MAN1A1: variants seen among roughly 807,000 people sequenced by gnomAD.
The protein encoded by MAN1A1 is mannosidase alpha class 1A member 1.
MAN1A1 carries 29 observed loss-of-function variants against 70.8 expected under a neutral mutation model. The ratio of observed to expected loss-of-function variants is 0.41; its 90% CI spans 0.31 to 0.56. The LOEUF is 0.56. Ranked by LOEUF, MAN1A1 falls within the 20% of genes least tolerant of loss-of-function variation. The probability of loss-of-function intolerance (pLI) is 0.29; values close to 1 mark genes in which losing one functional copy is unlikely to be tolerated. For synonymous variants in MAN1A1, 349 were observed against 330.1 expected (o/e 1.06, Z -0.62); for missense variants, 747 against 841.3 (o/e 0.89, Z 1.39).
rs200298446 is a variant in MAN1A1 at position 119,316,936 on chromosome 6, TTTATTA to T, written c.604-9950_604-9945del. Among the ~76,000 whole-genome samples, 849 of 150,756 alleles carry T rather than the reference TTTATTA, an allele frequency of 5.6e-3. 30 individuals carry two copies. In the East Asian group the frequency reaches 0.09, roughly 16 times the overall value. ...TAGTTACCTTTTTAAATTACATTTT[TTTATTA>T]TTATTATTCTTTTTTTTTTTTTTTG... On this transcript the variant is annotated intron_variant, in intron 2 of 12. Transcript: ENST00000368468.
intron 2 of MAN1A1, among the ~76,000 whole-genome samples, chr6:119,346,766 C>T (rs1773740420): frequency 6.6e-6 from 1 of 152,176 alleles, no homozygotes; most frequent in South Asian, 2.1e-4. Context: ...CCTCGGACAA[C>T]TGTGATTTTT....
chr6:119,241,940 G>GTGTA (rs1307543426), intron 6 of MAN1A1, among the ~76,000 whole-genome samples: 10 of 91,504 alleles, frequency 1.1e-4, no homozygotes, highest in Non-Finnish European at 2.3e-5. Context: ...ATGTGTGTGT[G>GTGTA]TGTATGTATG....
At chr6:119,330,892 T>C (rs998035828) in intron 2 of MAN1A1, among the ~76,000 whole-genome samples, 6 of 152,132 alleles carry the variant, frequency 3.9e-5, no homozygotes, top group Non-Finnish European at 5.9e-5. Context: ...CAGGTTCCCA[T>C]AGTAACTCTA....
intron 1 of MAN1A1, 62 bp downstream of exon 1, chr6:119,349,480 G>A (rs1773842181): frequency 2.1e-6 from 2 of 958,682 alleles, no homozygotes; most frequent in Non-Finnish European, 2.5e-6. Flanking sequence ...GGTAGGGGAG[G>A]GGTGTCCCGC....
chr6:119,290,833 A>G (rs1776518796), intron 4 of MAN1A1, 70 bp from the exon 5 acceptor site: 3 of 955,702 alleles, frequency 3.1e-6, no homozygotes, highest in South Asian at 1.4e-5. Flanking sequence ...GATAAATTAT[A>G]CTAAATACTT....
At chr6:119,311,579 G>C (rs1772702769) in intron 2 of MAN1A1, among the ~76,000 whole-genome samples, 1 of 152,136 alleles carries the variant, frequency 6.6e-6, no homozygotes, top group Non-Finnish European at 1.5e-5. Context: ...CAGGACCACA[G>C]AGGCAGTTAA....
At chr6:119,233,805 T>C (rs1236594631) in intron 6 of MAN1A1, among the ~76,000 whole-genome samples, 1 of 152,230 alleles carries the variant, frequency 6.6e-6, no homozygotes, top group African/African-American at 2.4e-5. Context: ...ACCCTCACTG[T>C]TCTACAGCTT....
At chr6:119,270,272 T>G (rs1232141309) in intron 5 of MAN1A1, among the ~76,000 whole-genome samples, 1 of 152,224 alleles carries the variant, frequency 6.6e-6, no homozygotes, top group African/African-American at 2.4e-5. Context: ...CTAGGTCTTT[T>G]CAGGGGACAT....
intron 2 of MAN1A1, among the ~76,000 whole-genome samples, chr6:119,325,570 TCGC>T (rs1773124668): frequency 6.6e-6 from 1 of 152,048 alleles, no homozygotes; most frequent in Non-Finnish European, 1.5e-5. Context: ...GGCAGGAGAA[TCGC>T]TTGAACCCAG....
intron 5 of MAN1A1, among the ~76,000 whole-genome samples, chr6:119,259,146 CTTT>C (rs1292664253): frequency 2.0e-5 from 3 of 152,200 alleles, no homozygotes; most frequent in Admixed American, 6.5e-5. Flanking sequence ...CCTACTGCTT[CTTT>C]GAGTTACTAG....
chr6:119,312,810 T>A (rs1158136949), intron 2 of MAN1A1, among the ~76,000 whole-genome samples: 2 of 152,240 alleles, frequency 1.3e-5, no homozygotes, highest in African/African-American at 2.4e-5. Context: ...AGGTTGTGCC[T>A]GTGTGGGGAC....
chr6:119,306,810 T>C, intron 3 of MAN1A1, 86 bp downstream of exon 3: 3 of 937,878 alleles, frequency 3.2e-6, no homozygotes, highest in Non-Finnish European at 5.2e-6. Context: ...TGGAGGGCCA[T>C]GTTACACAGA....
intron 2 of MAN1A1, among the ~76,000 whole-genome samples, chr6:119,341,679 G>T (rs950181948): frequency 4.6e-5 from 7 of 152,112 alleles, no homozygotes; most frequent in Non-Finnish European, 7.4e-5. Flanking sequence ...TCTGATTATA[G>T]AATTTATCAT....
chr6:119,207,191 T>C (rs2267670), intron 6 of MAN1A1, among the ~76,000 whole-genome samples: 22,689 of 152,140 alleles, frequency 0.15, 1,885 homozygotes, highest in East Asian at 0.35. Context: ...TATCCTTCCT[T>C]CCTCTTTGTA....
intron 5 of MAN1A1, among the ~76,000 whole-genome samples, chr6:119,250,755 C>T (rs1347238582): frequency 4.6e-5 from 7 of 152,088 alleles, no homozygotes; most frequent in Non-Finnish European, 1.0e-4. Flanking sequence ...AGAGCTAAGG[C>T]TTCAGTTCTC....
chr6:119,180,357 C>T lies in MAN1A1; in HGVS notation c.1790G>A (p.Ser597Asn). ...GLRDVYLLHE[S>N]YDDVQQSFFL... ...GAAACTCTGCTGCACATCATCATAA[C>T]TCTCATGAAGAAGGTAAACATCCCT... Residue 597 changes from serine to asparagine, a missense_variant, in exon 12 of 13, where the codon AGT becomes AAT. By Grantham distance (46) the Ser-to-Asn change is conservative (BLOSUM62 1). This residue lies in a region of MAN1A1 where 419 missense variants were observed against 548.2 expected (regional missense o/e 0.76). Coordinates refer to ENST00000368468, the MANE Select transcript of MAN1A1 (RefSeq NM_005907.4). 6.2e-7 allele frequency: 1 copy of T among 1,613,878 alleles called. No individual in the cohort carries two copies. Among genetic ancestry groups the T allele is most frequent in the Admixed American group, 1.7e-5 (1 of 60,008 alleles).
chr6:119,253,313 A>C (rs916109492), intron 5 of MAN1A1, among the ~76,000 whole-genome samples: 3 of 152,154 alleles, frequency 2.0e-5, no homozygotes, highest in Non-Finnish European at 4.4e-5. Context: ...TGAGAAGTAC[A>C]CTCAGCAAAT....
Position 119,179,815 on chromosome 6 carries a change from C to G in MAN1A1, c.*4G>C. The G allele has an allele frequency of 6.2e-7, 1 of 1,609,846 alleles. No homozygotes were observed. Among genetic ancestry groups the G allele is most frequent in the Admixed American group, 1.7e-5 (1 of 59,978 alleles). The stretch of plus-strand genomic sequence containing the variant: ...TGGAGCAGAATAAAATATAAAATGT[C>G]TTTTTATTCCTCTCTGATTTCAACT... On this transcript the variant is annotated 3_prime_UTR_variant, in exon 13 of 13. Coordinates refer to ENST00000368468, the MANE Select transcript of MAN1A1 (RefSeq NM_005907.4).
chr6:119,298,912 C>T (rs553529361), intron 4 of MAN1A1, among the ~76,000 whole-genome samples: 30 of 152,020 alleles, frequency 2.0e-4, no homozygotes, highest in Admixed American at 7.9e-4. Flanking sequence ...TTAAATAATA[C>T]CCTTACACTG....
Sources: allele counts gnomAD v4.1 joint callset (sites outside exome capture counted in the v4.1 genomes callset), GRCh38; gene constraint gnomAD v4.1.1; regional missense constraint gnomAD v4.1.1; transcripts MANE v1.5; gene names NCBI Gene and HGNC (gene_info 2026-07-23, HGNC 2026-07-21).